ZBTB20: variants seen among roughly 807,000 people sequenced by gnomAD.
ZBTB20 encodes the protein zinc finger and BTB domain-containing protein 20.
A neutral mutation model predicts 56.9 loss-of-function variants in ZBTB20; 9 were observed. The ratio of observed to expected loss-of-function variants is 0.16; its 90% CI spans 0.10 to 0.28. The LOEUF (loss-of-function observed/expected upper bound fraction) is 0.28, where lower values mean the gene tolerates loss of function less well. Among genes scored for constraint, ZBTB20 ranks in the 10% least tolerant of loss-of-function variants. The pLI is 1.00. For synonymous variants in ZBTB20, 417 were observed against 420.7 expected (o/e 0.99, Z 0.11); for missense variants, 655 against 1,003.0 (o/e 0.65, Z 4.69).
intron 2 of ZBTB20, among the ~76,000 whole-genome samples, chr3:115,002,530 C>T (rs1159956239): frequency 6.6e-6 from 1 of 151,432 alleles, no homozygotes; most frequent in African/African-American, 2.4e-5. Flanking sequence ...AAAATGTGAG[C>T]AAAAGATCTG....
chr3:115,056,561 T>C (rs762654656), intron 2 of ZBTB20, among the ~76,000 whole-genome samples: 1 of 152,148 alleles, frequency 6.6e-6, no homozygotes, highest in Non-Finnish European at 1.5e-5. Context: ...AGTTAGCTTA[T>C]AGAATAATAT....
intron 1 of ZBTB20, among the ~76,000 whole-genome samples, chr3:115,122,071 A>ACTTTAGCCATAGTCTCATAGT (rs1488137413): frequency 6.6e-6 from 1 of 152,072 alleles, no homozygotes; most frequent in Non-Finnish European, 1.5e-5. Context: ...CAGACTAAAC[A>ACTTTAGCCATAGTCTCATAGT]CTTTAGCCAG....
At chr3:114,959,744 C>CACAG (rs1227177955) in intron 3 of ZBTB20, among the ~76,000 whole-genome samples, 1 of 151,100 alleles carries the variant, frequency 6.6e-6, no homozygotes, top group Non-Finnish European at 1.5e-5. Flanking sequence ...CACACACACA[C>CACAG]ACACACACTT....
At chr3:114,481,631 C>T (rs1267957166) in intron 7 of ZBTB20, among the ~76,000 whole-genome samples, 1 of 152,226 alleles carries the variant, frequency 6.6e-6, no homozygotes, top group East Asian at 1.9e-4. Context: ...CCAATGCATC[C>T]TTTAAATAAT....
chr3:114,499,729 G>A (rs758491083), intron 7 of ZBTB20, among the ~76,000 whole-genome samples: 2 of 151,600 alleles, frequency 1.3e-5, no homozygotes, highest in South Asian at 2.1e-4. Flanking sequence ...ATATAAAATC[G>A]TGTTTTTTTT....
chr3:114,428,034 G>A (rs1327300784), intron 7 of ZBTB20, among the ~76,000 whole-genome samples: 1 of 152,126 alleles, frequency 6.6e-6, no homozygotes, highest in Non-Finnish European at 1.5e-5. Flanking sequence ...GAAACCTTGA[G>A]ATTTGTTCAT....
rs148076686 is a variant in ZBTB20, at chr3:114,620,178, G to C, written c.-295+73350C>G. On this transcript the variant is annotated intron_variant, in intron 6 of 11. Coordinates refer to ENST00000675478, the MANE Select transcript of ZBTB20 (RefSeq NM_001348800.3). ...ATTGTGGGGAACCTTAGCAATCTTA[G>C]TAAATGGTTGGAAATGCTGTCAGAT... Among the ~76,000 whole-genome samples, 249 of 152,346 alleles carry C rather than the reference G, an allele frequency of 1.6e-3. 1 individual carries two copies. The highest frequency in any genetic ancestry group is 5.7e-3 in the African/African-American group (236 of 41,584).
chr3:114,990,457 T>C (rs900363307), intron 2 of ZBTB20, among the ~76,000 whole-genome samples: 1 of 152,166 alleles, frequency 6.6e-6, no homozygotes, highest in African/African-American at 2.4e-5. Flanking sequence ...TGAAGCCCAC[T>C]TGATCATGGT....
At chr3:115,141,749 G>C (rs989491662) in intron 1 of ZBTB20, among the ~76,000 whole-genome samples, 2 of 152,148 alleles carry the variant, frequency 1.3e-5, no homozygotes, top group African/African-American at 4.8e-5. Context: ...ACACAGCCTA[G>C]TATCTCTGGC....
intron 1 of ZBTB20, among the ~76,000 whole-genome samples, chr3:115,125,232 A>G (rs570611501): frequency 2.9e-4 from 44 of 152,166 alleles, no homozygotes; most frequent in African/African-American, 1.0e-3. Flanking sequence ...AGTCCCAGCT[A>G]CGCAGGAGGT....
intron 1 of ZBTB20, among the ~76,000 whole-genome samples, chr3:115,118,302 C>A (rs951059470): frequency 1.3e-5 from 2 of 152,024 alleles, no homozygotes; most frequent in Admixed American, 6.5e-5. Context: ...CTCAAGCAAT[C>A]CTCCCACCTC....
intron 5 of ZBTB20, among the ~76,000 whole-genome samples, chr3:114,800,618 G>C (rs1408453938): frequency 6.6e-6 from 1 of 151,834 alleles, no homozygotes; most frequent in Non-Finnish European, 1.5e-5. Flanking sequence ...ACAGAATCTT[G>C]TGATGTCATC....
At chr3:114,456,090 A>G (rs906883030) in intron 7 of ZBTB20, among the ~76,000 whole-genome samples, 1 of 152,074 alleles carries the variant, frequency 6.6e-6, no homozygotes, top group Non-Finnish European at 1.5e-5. Context: ...TACTCCACCT[A>G]TATAGTTAGT....
intron 6 of ZBTB20, among the ~76,000 whole-genome samples, chr3:114,645,713 T>G (rs1054199365): frequency 6.6e-6 from 1 of 151,342 alleles, no homozygotes; most frequent in South Asian, 2.1e-4. Flanking sequence ...CAAGTATACT[T>G]TTATTATGGA....
rs143204078 is a variant in ZBTB20 at position 115,102,235 on chromosome 3, C to T, written c.-702-30821G>A. 1.9e-3 allele frequency among the ~76,000 whole-genome samples: 296 copies of T among 152,232 alleles called. 1 individual carries two copies. Among genetic ancestry groups the T allele is most frequent in the African/African-American group, 6.4e-3 (265 of 41,546 alleles). On this transcript the variant is annotated intron_variant, in intron 1 of 11. Transcript: ENST00000675478. Reference sequence around the variant, plus strand: ...CCAAGGGTGGATGATTAAAAGGAGACAGACACACACTAAAAATGATTTAAC... The same window carrying T: ...CCAAGGGTGGATGATTAAAAGGAGATAGACACACACTAAAAATGATTTAAC...
chr3:114,897,375 G>C (rs796753890), intron 4 of ZBTB20, among the ~76,000 whole-genome samples: 2 of 152,174 alleles, frequency 1.3e-5, no homozygotes, highest in South Asian at 2.1e-4. Context: ...AATGAGGAAA[G>C]GAGAGAGGGA....
intron 2 of ZBTB20, among the ~76,000 whole-genome samples, chr3:114,996,024 G>C (rs1399615335): frequency 2.0e-5 from 3 of 151,716 alleles, no homozygotes; most frequent in Non-Finnish European, 4.4e-5. Context: ...ATCAGTCAAG[G>C]ATCAAAGAAG....
intron 6 of ZBTB20, among the ~76,000 whole-genome samples, chr3:114,667,181 T>C (rs539555381): frequency 2.6e-4 from 40 of 152,056 alleles, no homozygotes; most frequent in African/African-American, 9.2e-4. Context: ...AAATAACTCC[T>C]CCATGCTTAG....
chr3:115,016,541 T>C (rs537248025), intron 2 of ZBTB20, among the ~76,000 whole-genome samples: 3 of 152,092 alleles, frequency 2.0e-5, no homozygotes, highest in Admixed American at 2.0e-4. Context: ...GGCTAGCCAG[T>C]TCTCCCAGTA....
Sources: allele counts gnomAD v4.1 joint callset (sites outside exome capture counted in the v4.1 genomes callset), GRCh38; gene constraint gnomAD v4.1.1; transcripts MANE v1.5; gene names NCBI Gene and HGNC (gene_info 2026-07-23, HGNC 2026-07-21).